MYH3: variants seen among roughly 807,000 people sequenced by gnomAD.
The protein encoded by MYH3 is myosin-3.
Under a neutral mutation model 238.0 loss-of-function variants are expected in MYH3, and 130 were observed. The observed-to-expected ratio is 0.55, with a 90% CI of 0.47 to 0.63. The LOEUF (loss-of-function observed/expected upper bound fraction) is 0.63. Among genes scored for constraint, MYH3 ranks in the 30% least tolerant of loss-of-function variants. The probability of loss-of-function intolerance (pLI) is 0.00; values close to 1 mark genes in which losing one functional copy is unlikely to be tolerated. For missense variants in MYH3, 1,853 were observed against 2,374.9 expected, an observed-to-expected ratio of 0.78 and a Z score of 4.57; for synonymous variants, 880 against 924.1, an observed-to-expected ratio of 0.95 and a Z score of 0.86.
chr17:10,644,856 A>G (rs551425308), intron 12 of MYH3, among the ~76,000 whole-genome samples, 154 bp from the exon 13 acceptor site: 13 of 152,352 alleles, frequency 8.5e-5, no homozygotes, highest in African/African-American at 2.2e-4. Context: ...TAAGTCACTC[A>G]GAGAATATAA....
chr17:10,637,063 CT>C (rs111976484), intron 28 of MYH3, among the ~76,000 whole-genome samples: 59 of 145,426 alleles, frequency 4.1e-4, no homozygotes, highest in South Asian at 4.4e-4. Flanking sequence ...TTCCCTTAAA[CT>C]TTTTTTTTTT....
In MYH3 at chr17:10,630,060, G is replaced by C. The variant is rs1163351478; in HGVS notation, c.5562+32C>G. 1.9e-6 allele frequency: 3 copies of C among 1,608,640 alleles called. No homozygotes were observed. In the South Asian group the frequency reaches 3.3e-5, roughly 18 times the overall value. On this transcript the variant is annotated intron_variant, in intron 38 of 40. Transcript: ENST00000583535. ...TGATGGAGAATCTGCACGTCACAGA[G>C]GACACGATCATGGCGTTTGCGTTCC...
upstream of MYH3, chr17:10,659,090 A>G (rs1042836351): frequency 1.3e-5 from 2 of 152,232 alleles, no homozygotes; most frequent in Admixed American, 6.5e-5. Context: ...TCCTACGTCA[A>G]CACCCAGACC....
Position 10,631,942 on chromosome 17 carries a change from G to A in MYH3, c.5031C>T (p.Arg1677=). 1 of 1,614,106 alleles carries A rather than the reference G, an allele frequency of 6.2e-7. No individual in the cohort carries two copies. The highest frequency in any genetic ancestry group is 8.5e-7 in the Non-Finnish European group (1 of 1,180,036). ...CCTCGGCCTGCAGCAGGTTGGCTCT[G>A]CGCTCCACAATCGCCAGCTGCTCCT... ...DLKEQLAIVE[R]RANLLQAEVE... Residue 1677 remains arginine, a synonymous_variant, in exon 35 of 41, where the codon CGC becomes CGT. Transcript: ENST00000583535.
Position 10,639,714 on chromosome 17 carries a change from G to C in MYH3, c.2771C>G (p.Thr924Arg). The change falls in exon 23 of 41, where the codon ACA becomes AGA. Residue 924 changes from threonine to arginine, a missense_variant. Thr to Arg is a moderately conservative substitution (Grantham distance 71, BLOSUM62 -1). This residue lies in a region of MYH3 where 678 missense variants were observed against 1,058.9 expected (regional missense o/e 0.64). Transcript: ENST00000583535. ...CTCCTCCTCATCTTCAGCTCTCTCT[G>C]TCACCTCCTTGATCTTGGCCTCGAG... ...FQLEAKIKEV[T>R]ERAEDEEEIN... 5 of 1,613,560 alleles carry C rather than the reference G, an allele frequency of 3.1e-6. No homozygotes were observed. Among genetic ancestry groups the C allele is most frequent in the Non-Finnish European group, 4.2e-6 (5 of 1,179,994 alleles).
Position 10,654,018 on chromosome 17 carries a change from C to T in MYH3, c.204+843G>A, listed in dbSNP as rs535506220. On this transcript the variant is annotated intron_variant, in intron 3 of 40. Transcript: ENST00000583535. The surrounding 1 kb of genome is among the most constrained non-coding windows in gnomAD (Gnocchi z 4.5). The stretch of plus-strand genomic sequence containing the variant: ...TGTCTCCCAGGCTGGAGTGCAGTGG[C>T]GTGATCTAGGCTCACTGCAAGCTCC... 4.6e-5 allele frequency among the ~76,000 whole-genome samples: 7 copies of T among 152,172 alleles called. 1 individual carries two copies. The highest frequency in any genetic ancestry group is 1.7e-4 in the African/African-American group (7 of 41,558).
the MYH3 span, chr17:10,676,120 C>T: frequency 6.6e-6 from 1 of 152,020 alleles, no homozygotes; most frequent in Non-Finnish European, 1.5e-5. Flanking sequence ...TTTTTTGAGA[C>T]AACTCTTGTT....
At chr17:10,666,285 A>C in the MYH3 span, among the ~76,000 whole-genome samples, 1 of 152,236 alleles carries the variant, frequency 6.6e-6, no homozygotes, top group Non-Finnish European at 1.5e-5. Context: ...AAATAGAGCC[A>C]AAAGACATGA....
At chr17:10,653,588 C>A (rs3815011) in intron 3 of MYH3, among the ~76,000 whole-genome samples, 13 of 152,084 alleles carry the variant, frequency 8.5e-5, no homozygotes, top group Admixed American at 7.2e-4. Flanking sequence ...GGACAAACCC[C>A]CACACCCTCG....
intron 3 of MYH3, among the ~76,000 whole-genome samples, chr17:10,653,766 G>A (rs1033805710): frequency 6.6e-6 from 1 of 152,152 alleles, no homozygotes; most frequent in African/African-American, 2.4e-5. Flanking sequence ...CTTCAAGCAG[G>A]GATTCATTCA....
Position 10,642,147 on chromosome 17 carries a change from T to C in MYH3, c.1959+93A>G, listed in dbSNP as rs973587094. Reference sequence around the variant, plus strand: ...AGTAATCAGATTAAGACAACACTACTACTCTCAAATAAATCAAGCTTAGAA... The same window carrying C: ...AGTAATCAGATTAAGACAACACTACCACTCTCAAATAAATCAAGCTTAGAA... On this transcript the variant is annotated intron_variant, in intron 17 of 40. Coordinates refer to ENST00000583535, the MANE Select transcript of MYH3 (RefSeq NM_002470.4). The surrounding 1 kb of genome is among the most constrained non-coding windows in gnomAD (Gnocchi z 5.4). The C allele has an allele frequency of 1.5e-4, 172 of 1,160,556 alleles. No homozygotes were observed. The African/African-American group carries it at 2.4e-3, about 16-fold the overall frequency. The allele number at this position is 1,160,556 out of a possible 1,614,324, so 71.9% of individuals were successfully genotyped here.
the MYH3 span, among the ~76,000 whole-genome samples, chr17:10,665,335 GT>G: frequency 9.3e-4 from 142 of 152,058 alleles, 2 homozygotes; most frequent in Non-Finnish European, 1.5e-3. Context: ...TAGAGATGAG[GT>G]TTCACCATGT....
At chr17:10,644,087 G>A (rs2074297529) in intron 14 of MYH3, among the ~76,000 whole-genome samples, 1 of 151,716 alleles carries the variant, frequency 6.6e-6, no homozygotes, top group East Asian at 1.9e-4. Context: ...TTGAACTCAG[G>A]AAGAGGTTGC....
In MYH3 at chr17:10,631,644, G is replaced by A. The variant is rs751137584; in HGVS notation, c.5253C>T (p.Asn1751=). The A allele has an allele frequency of 1.9e-5, 31 of 1,614,030 alleles. No individual in the cohort carries two copies. Among genetic ancestry groups the A allele is most frequent in the East Asian group, 1.3e-4 (6 of 44,896 alleles). Residue 1751 remains asparagine, a synonymous_variant, in exon 36 of 41, where the codon AAC becomes AAT. Transcript: ENST00000583535. ...EVEDASRDAR[N]AEEKAKKAIT... is the part of the protein sequence containing the mutation. Reference sequence around the variant, plus strand: ...TGGCCTTCTTGGCCTTCTCCTCAGCGTTCCTTGCATCCCTGCTGGCATCTT... The same window carrying A: ...TGGCCTTCTTGGCCTTCTCCTCAGCATTCCTTGCATCCCTGCTGGCATCTT...
chr17:10,671,300 A>C, the MYH3 span, among the ~76,000 whole-genome samples: 1 of 152,138 alleles, frequency 6.6e-6, no homozygotes, highest in African/African-American at 2.4e-5. Flanking sequence ...ATTCTTGTGC[A>C]TATCTATGAT....
intron 28 of MYH3, among the ~76,000 whole-genome samples, 173 bp from the exon 29 acceptor site, chr17:10,636,026 G>A (rs2074212262): frequency 1.3e-5 from 2 of 152,104 alleles, no homozygotes; most frequent in African/African-American, 2.4e-5. Context: ...AAGCAGAACT[G>A]ATAAGGTATT....
the MYH3 span, chr17:10,673,754 G>A: frequency 6.6e-6 from 1 of 152,200 alleles, no homozygotes; most frequent in Non-Finnish European, 1.5e-5. Context: ...GCCCCACAGG[G>A]TAACCAAGCA....
In MYH3 at chr17:10,639,602, G is replaced by A; in HGVS notation, c.2883C>T (p.Thr961=). ...LKKDIDDLEL[T]LAKVEKEKHA... is the part of the protein sequence containing the mutation. ...GCTTCTCCTTCTCAACCTTGGCCAG[G>A]GTCAACTCAAGGTCATCAATGTCTT... The change falls in exon 23 of 41, where the codon ACC becomes ACT. Residue 961 remains threonine, a synonymous_variant. Coordinates refer to ENST00000583535, the MANE Select transcript of MYH3 (RefSeq NM_002470.4). The A allele has an allele frequency of 6.2e-7, 1 of 1,613,932 alleles. No individual in the cohort carries two copies. The highest frequency in any genetic ancestry group is 8.5e-7 in the Non-Finnish European group (1 of 1,179,996).
intron 36 of MYH3, among the ~76,000 whole-genome samples, chr17:10,631,066 C>A (rs1597480805): frequency 6.6e-6 from 1 of 152,176 alleles, no homozygotes; most frequent in East Asian, 1.9e-4. Flanking sequence ...CAGGGAAATT[C>A]TTTTTTCATT....
Sources: allele counts gnomAD v4.1 joint callset (sites outside exome capture counted in the v4.1 genomes callset), GRCh38; gene constraint gnomAD v4.1.1; regional missense constraint gnomAD v4.1.1; non-coding constraint Gnocchi (gnomAD v3.1); transcripts MANE v1.5; gene names NCBI Gene and HGNC (gene_info 2026-07-23, HGNC 2026-07-21).